The following CCSER1 variants were observed in gnomAD, a reference collection of about 807,000 sequenced individuals.
CCSER1 encodes serine-rich coiled-coil domain-containing protein 1.
In CCSER1, 41 loss-of-function variants were observed where a neutral mutation model predicts 82.0. That is an observed-to-expected ratio of 0.50 (90% CI 0.39 to 0.65). The LOEUF is 0.65. Among genes scored for constraint, CCSER1 ranks in the 30% least tolerant of loss-of-function variants. The probability of loss-of-function intolerance (pLI) is 0.00; values close to 1 mark genes in which losing one functional copy is unlikely to be tolerated. For missense variants in CCSER1, 1,119 were observed against 1,064.2 expected, an observed-to-expected ratio of 1.05 and a Z score of -0.72; for synonymous variants, 414 against 383.9, an observed-to-expected ratio of 1.08 and a Z score of -0.92.
intron 5 of CCSER1, among the ~76,000 whole-genome samples, chr4:90,545,904 A>G (rs2153638038): frequency 6.6e-6 from 1 of 152,284 alleles, no homozygotes; most frequent in East Asian, 1.9e-4. Flanking sequence ...CAAAATACAC[A>G]TTATGCCTAA....
chr4:90,645,620 A>G (rs1727432218), intron 6 of CCSER1, among the ~76,000 whole-genome samples: 1 of 152,212 alleles, frequency 6.6e-6, no homozygotes, highest in African/African-American at 2.4e-5. Context: ...AAAGGCTCAC[A>G]ATCATCATAT....
intron 7 of CCSER1, chr4:90,781,207 G>A (rs1580437497): frequency 3.2e-6 from 3 of 935,396 alleles, no homozygotes; most frequent in Non-Finnish European, 3.8e-6. Context: ...TGAGATTTGA[G>A]CAGAGACAAA....
chr4:90,624,845 T>C (rs1407322173), intron 5 of CCSER1, among the ~76,000 whole-genome samples: 11 of 152,152 alleles, frequency 7.2e-5, no homozygotes, highest in Admixed American at 7.2e-4. Context: ...CATGTGTAAA[T>C]ATTACTAACA....
At chr4:90,514,873 C>CT (rs1275703274) in intron 5 of CCSER1, among the ~76,000 whole-genome samples, 103 of 144,748 alleles carry the variant, frequency 7.1e-4, no homozygotes, top group South Asian at 1.8e-3. Flanking sequence ...TAGTTAATTA[C>CT]TTTTTTTTTT....
At chr4:91,022,759 A>G (rs1242095508) in intron 9 of CCSER1, among the ~76,000 whole-genome samples, 3 of 152,194 alleles carry the variant, frequency 2.0e-5, no homozygotes, top group African/African-American at 7.2e-5. Flanking sequence ...TCTGATGGCC[A>G]GTGATGATGA....
chr4:90,457,128 G>A (rs757877230), intron 4 of CCSER1, among the ~76,000 whole-genome samples: 19 of 152,220 alleles, frequency 1.2e-4, no homozygotes, highest in Non-Finnish European at 2.8e-4. Context: ...TGCTGGCACA[G>A]GTGCTGGTTC....
chr4:90,970,147 A>G (rs1408302415), intron 9 of CCSER1, among the ~76,000 whole-genome samples: 1 of 151,832 alleles, frequency 6.6e-6, no homozygotes, highest in African/African-American at 2.4e-5. Context: ...TTTCCAGTAA[A>G]AATAGATAGA....
At chr4:91,380,740 A>G (rs1169752753) in intron 10 of CCSER1, among the ~76,000 whole-genome samples, 2 of 152,168 alleles carry the variant, frequency 1.3e-5, no homozygotes, top group Admixed American at 1.3e-4. Flanking sequence ...CATTTAGCCC[A>G]TTTACATTTA....
intron 10 of CCSER1, among the ~76,000 whole-genome samples, chr4:91,392,134 A>G (rs75220219): frequency 9.5e-4 from 144 of 152,218 alleles, no homozygotes; most frequent in African/African-American, 3.3e-3. Context: ...TAATTTTTCA[A>G]AATTGTGCAT....
chr4:91,278,487 T>TA (rs1742647943), intron 10 of CCSER1, among the ~76,000 whole-genome samples: 1 of 152,134 alleles, frequency 6.6e-6, no homozygotes, highest in Non-Finnish European at 1.5e-5. Flanking sequence ...GTATAGCTAC[T>TA]CCTGATCATT....
intron 8 of CCSER1, among the ~76,000 whole-genome samples, chr4:90,835,888 G>A (rs542048746): frequency 1.3e-5 from 2 of 152,286 alleles, no homozygotes; most frequent in East Asian, 1.9e-4. Flanking sequence ...CACAAGGTCT[G>A]GGGCATAATA....
intron 6 of CCSER1, among the ~76,000 whole-genome samples, chr4:90,706,205 T>A (rs1449132366): frequency 6.6e-6 from 1 of 152,224 alleles, no homozygotes; most frequent in South Asian, 2.1e-4. Flanking sequence ...GTTTATGGTA[T>A]CTTGTTGTAA....
intron 10 of CCSER1, among the ~76,000 whole-genome samples, chr4:91,363,946 T>C (rs1749436830): frequency 1.3e-5 from 2 of 151,740 alleles, no homozygotes; most frequent in African/African-American, 4.8e-5. Flanking sequence ...CTTTAGTCTA[T>C]TGTATTGATT....
chr4:91,079,883 G>A (rs912501432), intron 9 of CCSER1, among the ~76,000 whole-genome samples: 1 of 152,060 alleles, frequency 6.6e-6, no homozygotes, highest in Non-Finnish European at 1.5e-5. Context: ...TAAATTTATA[G>A]GCACCCAATA....
intron 10 of CCSER1, among the ~76,000 whole-genome samples, chr4:91,519,889 T>A (rs1473151367): frequency 6.6e-6 from 1 of 152,182 alleles, no homozygotes; most frequent in Non-Finnish European, 1.5e-5. Context: ...TTTCTGTCTC[T>A]GAAAACAATG....
At chr4:91,137,693 T>G (rs902758770) in intron 10 of CCSER1, among the ~76,000 whole-genome samples, 1 of 151,480 alleles carries the variant, frequency 6.6e-6, no homozygotes. Context: ...GACTTTTTAA[T>G]GATTGCCATT....
intron 9 of CCSER1, among the ~76,000 whole-genome samples, chr4:90,929,183 G>T (rs1729424868): frequency 6.6e-6 from 1 of 151,976 alleles, no homozygotes; most frequent in Non-Finnish European, 1.5e-5. Context: ...TCAGAGGTGT[G>T]CTGGTGAAAC....
intron 1 of CCSER1, among the ~76,000 whole-genome samples, chr4:90,132,388 T>A (rs1201093694): frequency 6.6e-5 from 10 of 152,192 alleles, no homozygotes; most frequent in Non-Finnish European, 1.3e-4. Flanking sequence ...TTATCTTCCC[T>A]GTGCAAGAGT....
At chr4:91,433,410 A>T (rs1332829499) in intron 10 of CCSER1, among the ~76,000 whole-genome samples, 1 of 152,196 alleles carries the variant, frequency 6.6e-6, no homozygotes, top group African/African-American at 2.4e-5. Context: ...GTAATTTCCT[A>T]GGCCTTCACC....
Sources: gnomAD v4.1 joint callset for allele counts (sites outside exome capture counted in the v4.1 genomes callset) on GRCh38, gnomAD v4.1.1 for gene constraint, MANE v1.5 for transcripts, NCBI Gene and HGNC (gene_info 2026-07-23, HGNC 2026-07-21) for gene names.